Variants in VRK2 observed in about 807,000 individuals in gnomAD.
The protein encoded by VRK2 is serine/threonine-protein kinase VRK2.
Under a neutral mutation model 57.6 loss-of-function variants are expected in VRK2, and 60 were observed. That is an observed-to-expected ratio of 1.04 (90% CI 0.85 to 1.29). VRK2 has a LOEUF of 1.29. VRK2 is among the 50% of genes most tolerant of loss of function. The pLI is 0.00. For missense variants in VRK2, 705 were observed against 588.1 expected, an observed-to-expected ratio of 1.20 and a Z score of -2.06; for synonymous variants, 231 against 199.2, an observed-to-expected ratio of 1.16 and a Z score of -1.35.
intron 8 of VRK2, among the ~76,000 whole-genome samples, chr2:58,124,233 G>A (rs1378175893): frequency 6.6e-6 from 1 of 152,012 alleles, no homozygotes; most frequent in East Asian, 1.9e-4. Flanking sequence ...TCCAATAGCC[G>A]ACCCAGAAAG....
chr2:58,086,181 T>A (rs549451852), intron 4 of VRK2, 158 bp from the exon 5 acceptor site: 4 of 563,290 alleles, frequency 7.1e-6, no homozygotes, highest in Admixed American at 7.4e-5. Flanking sequence ...GTGGTAACAG[T>A]TTGAGGCCAT....
chr2:58,019,986 A>AT (rs373406962), intron 1 of VRK2, among the ~76,000 whole-genome samples: 228 of 152,356 alleles, frequency 1.5e-3, no homozygotes, highest in African/African-American at 5.4e-3. Context: ...ACAACGTGAC[A>AT]TAACTACGAA....
intron 1 of VRK2, among the ~76,000 whole-genome samples, chr2:57,953,031 C>A (rs923156150): frequency 2.0e-5 from 3 of 152,160 alleles, no homozygotes; most frequent in African/African-American, 4.8e-5. Context: ...GCCATGATAA[C>A]TTTATGCAAA....
intron 2 of VRK2, among the ~76,000 whole-genome samples, chr2:58,059,424 AT>A (rs1677007551): frequency 6.6e-6 from 1 of 151,998 alleles, no homozygotes; most frequent in Non-Finnish European, 1.5e-5. Context: ...CCATATAAAA[AT>A]AGATACCTTT....
upstream of VRK2, among the ~76,000 whole-genome samples, chr2:58,045,316 C>T (rs888680409): frequency 6.6e-6 from 1 of 152,176 alleles, no homozygotes; most frequent in Admixed American, 6.5e-5. Flanking sequence ...TTTACTAACA[C>T]TGGATACATG....
At position 58,131,856 on chromosome 2, in the gene VRK2, G is replaced by A. The variant is rs1034927922; in HGVS notation, c.725G>A (p.Arg242Gln). Residue 242 changes from arginine to glutamine, a missense_variant, in exon 9 of 13, where the codon CGG becomes CAG. Physicochemically the swap from Arg to Gln is conservative, Grantham distance 43. Transcript: ENST00000340157. ...GAGATCCTCGGCTACTGCATGCTGC[G>A]GTGGTTGTGTGGGAAACTTCCCTGG... is the stretch of plus-strand genomic sequence containing the variant. The part of the protein sequence containing the change: ...DVEILGYCML[R>Q]WLCGKLPWEQ... 1.2e-5 allele frequency: 19 copies of A among 1,613,894 alleles called. No homozygotes were observed. Among genetic ancestry groups the A allele is most frequent in the African/African-American group, 4.0e-5 (3 of 74,862 alleles).
intron 7 of VRK2, among the ~76,000 whole-genome samples, chr2:58,096,511 CGGT>C (rs1433944144): frequency 6.6e-6 from 1 of 151,684 alleles, no homozygotes; most frequent in Non-Finnish European, 1.5e-5. Context: ...TTTATTTGTG[CGGT>C]GGTCTGCATT....
chr2:58,020,620 A>T (rs926531030), intron 1 of VRK2, among the ~76,000 whole-genome samples: 1 of 152,276 alleles, frequency 6.6e-6, no homozygotes, highest in Non-Finnish European at 1.5e-5. Flanking sequence ...ATTTGCATGT[A>T]TTATATGCTT....
chr2:58,081,410 GTAT>G (rs1263078100), intron 2 of VRK2, among the ~76,000 whole-genome samples: 1 of 151,762 alleles, frequency 6.6e-6, no homozygotes, highest in African/African-American at 2.4e-5. Context: ...ATTTATTCTG[GTAT>G]TTTAAATTTT....
At chr2:58,142,102 G>A (rs931339774) in intron 11 of VRK2, among the ~76,000 whole-genome samples, 3 of 151,622 alleles carry the variant, frequency 2.0e-5, no homozygotes, top group Non-Finnish European at 2.9e-5. Context: ...GACCAGAAAA[G>A]GTATACATAA....
At chr2:57,938,885 T>G (rs978940501) in intron 1 of VRK2, among the ~76,000 whole-genome samples, 1 of 152,204 alleles carries the variant, frequency 6.6e-6, no homozygotes, top group South Asian at 2.1e-4. Flanking sequence ...TGCTTTCCTC[T>G]TCTTTTGGAA....
chr2:57,925,159 G>A (rs1194354319), intron 1 of VRK2, among the ~76,000 whole-genome samples: 1 of 151,836 alleles, frequency 6.6e-6, no homozygotes, highest in Non-Finnish European at 1.5e-5. Context: ...AATATTGGCT[G>A]GAAGTTTTCT....
At chr2:58,047,725 A>C (rs955168485) in intron 1 of VRK2, among the ~76,000 whole-genome samples, 1 of 150,710 alleles carries the variant, frequency 6.6e-6, no homozygotes, top group Non-Finnish European at 1.5e-5. Flanking sequence ...TCACCATCCA[A>C]ATTCCCAGCC....
intron 1 of VRK2, among the ~76,000 whole-genome samples, chr2:57,939,656 T>C (rs1484125801): frequency 1.3e-5 from 2 of 152,206 alleles, no homozygotes; most frequent in African/African-American, 4.8e-5. Flanking sequence ...TGAGAAAGTA[T>C]AGAATTATGT....
chr2:58,115,711 G>T (rs1042590702), intron 7 of VRK2, among the ~76,000 whole-genome samples: 3 of 152,102 alleles, frequency 2.0e-5, no homozygotes, highest in Non-Finnish European at 4.4e-5. Flanking sequence ...GTTTTTATGA[G>T]AATTATGCCA....
chr2:58,152,934 T>G (rs188153447), intron 12 of VRK2, among the ~76,000 whole-genome samples: 1 of 152,058 alleles, frequency 6.6e-6, no homozygotes, highest in Non-Finnish European at 1.5e-5. Flanking sequence ...ATATCACCAA[T>G]TTTGACATGT....
At chr2:58,123,287 A>G in intron 8 of VRK2, 54 bp downstream of exon 8, 8 of 1,559,774 alleles carry the variant, frequency 5.1e-6, no homozygotes, top group Non-Finnish European at 6.9e-6. Flanking sequence ...GATTAGAGAC[A>G]AGGGTAATGA....
Position 58,048,871 on chromosome 2 carries a change from C to T in VRK2, c.40C>T (p.Pro14Ser). 2 of 1,613,914 alleles carry T rather than the reference C, an allele frequency of 1.2e-6. No individual in the cohort carries two copies. Among genetic ancestry groups the T allele is most frequent in the Non-Finnish European group, 1.7e-6 (2 of 1,179,918 alleles). ...KRNEKYKLPI[P>S]FPEGKVLDDM... Reference sequence around the variant, plus strand: ...AAATGAAAAATACAAACTTCCTATTCCATTTCCAGAAGGCAAGGTTCTGGA... The same window carrying T: ...AAATGAAAAATACAAACTTCCTATTTCATTTCCAGAAGGCAAGGTTCTGGA... The change falls in exon 2 of 13, where the codon CCA becomes TCA. Residue 14 changes from proline (P) to serine (S), a missense_variant. By Grantham distance (74) the Pro-to-Ser change is moderately conservative (BLOSUM62 -1). Coordinates refer to ENST00000340157, the MANE Select transcript of VRK2 (RefSeq NM_006296.7).
intron 12 of VRK2, among the ~76,000 whole-genome samples, chr2:58,150,008 T>C (rs1573413505): frequency 6.7e-6 from 1 of 149,238 alleles, no homozygotes; most frequent in East Asian, 1.9e-4. Flanking sequence ...TTTTTTTTTT[T>C]TTTTTTGCAA....
Sources: gnomAD v4.1 joint callset for allele counts (sites outside exome capture counted in the v4.1 genomes callset) on GRCh38, gnomAD v4.1.1 for gene constraint, MANE v1.5 for transcripts, NCBI Gene and HGNC (gene_info 2026-07-23, HGNC 2026-07-21) for gene names.